The following GSE1 variants were observed in gnomAD, a reference collection of about 807,000 sequenced individuals.
GSE1 encodes Gse1 coiled-coil protein.
In GSE1, 32 loss-of-function variants were observed where a neutral mutation model predicts 112.6. The ratio of observed to expected loss-of-function variants is 0.28; its 90% CI spans 0.21 to 0.38. The LOEUF (loss-of-function observed/expected upper bound fraction) is 0.38, where lower values mean the gene tolerates loss of function less well. Among genes scored for constraint, GSE1 ranks in the 10% least tolerant of loss-of-function variants. GSE1 has a pLI of 1.00. For synonymous variants in GSE1, 1,115 were observed against 735.6 expected (o/e 1.52, Z -8.35); for missense variants, 2,348 against 1,699.2 (o/e 1.38, Z -6.71).
At chr16:85,478,291 C>T (rs1445468487) in intron 2 of GSE1, among the ~76,000 whole-genome samples, 1 of 152,072 alleles carries the variant, frequency 6.6e-6, no homozygotes, top group African/African-American at 2.4e-5. Flanking sequence ...CCTTGGGAGG[C>T]CGAGGCGGGC....
At chr16:85,567,315 T>C (rs1028555281) in intron 1 of GSE1, among the ~76,000 whole-genome samples, 2 of 152,250 alleles carry the variant, frequency 1.3e-5, no homozygotes, top group Admixed American at 1.3e-4. Flanking sequence ...CCAGCTGCTG[T>C]GCGTTGGAAA....
intron 1 of GSE1, among the ~76,000 whole-genome samples, chr16:85,620,987 G>C (rs1401910270): frequency 1.0e-5 from 1 of 99,674 alleles, no homozygotes; most frequent in Admixed American, 1.0e-4. Context: ...GTCTCGGCCC[G>C]GGGTCTCTGC....
chr16:85,173,747 A>G (rs1464207970), intron 1 of GSE1, among the ~76,000 whole-genome samples: 2 of 152,232 alleles, frequency 1.3e-5, no homozygotes, highest in African/African-American at 4.8e-5. Flanking sequence ...TAAGAACGCC[A>G]GGAAACAAGA....
intron 2 of GSE1, among the ~76,000 whole-genome samples, chr16:85,508,171 T>A (rs570559665): frequency 6.6e-6 from 1 of 152,134 alleles, no homozygotes; most frequent in African/African-American, 2.4e-5. Context: ...GTAGCTGGGA[T>A]TACAGGCATG....
At chr16:85,467,683 C>A (rs1351903089) in intron 2 of GSE1, among the ~76,000 whole-genome samples, 1 of 152,150 alleles carries the variant, frequency 6.6e-6, no homozygotes, top group East Asian at 1.9e-4. Context: ...CTGACCTAGC[C>A]AAAGGGATCA....
intron 2 of GSE1, among the ~76,000 whole-genome samples, chr16:85,430,921 G>C (rs963819059): frequency 1.3e-5 from 2 of 152,218 alleles, no homozygotes; most frequent in African/African-American, 4.8e-5. Flanking sequence ...TTCCCACCCA[G>C]CTCCCAGGAG....
chr16:85,239,012 C>T (rs892688227), intron 1 of GSE1, among the ~76,000 whole-genome samples: 1 of 152,148 alleles, frequency 6.6e-6, no homozygotes, highest in Non-Finnish European at 1.5e-5. Context: ...ACTGCAACCT[C>T]TGCCTCCCGG....
At chr16:85,666,606 C>G (rs764044606) in intron 13 of GSE1, 7 of 518,814 alleles carry the variant, frequency 1.3e-5, no homozygotes, top group South Asian at 1.3e-4. Flanking sequence ...ACGCATCGAT[C>G]GGTAAGAGGT....
chr16:85,579,249 C>G (rs2046352648), intron 1 of GSE1, among the ~76,000 whole-genome samples: 1 of 152,090 alleles, frequency 6.6e-6, no homozygotes, highest in Admixed American at 6.5e-5. Flanking sequence ...TCAGAGGGCT[C>G]TACCCTTGGG....
At chr16:85,628,046 G>A (rs1253504352) in intron 1 of GSE1, among the ~76,000 whole-genome samples, 1 of 152,200 alleles carries the variant, frequency 6.6e-6, no homozygotes, top group Admixed American at 6.5e-5. Context: ...CAGGAGGCAC[G>A]TGGGCCCTGG....
intron 1 of GSE1, among the ~76,000 whole-genome samples, chr16:85,622,121 T>C (rs2048778906): frequency 1.3e-5 from 2 of 152,162 alleles, no homozygotes; most frequent in South Asian, 4.1e-4. Flanking sequence ...GACAGGATGA[T>C]TGTGGCCGGA....
intron 2 of GSE1, among the ~76,000 whole-genome samples, chr16:85,415,682 C>T (rs1199637644): frequency 6.6e-6 from 1 of 152,258 alleles, no homozygotes; most frequent in Non-Finnish European, 1.5e-5. Flanking sequence ...GGCCCCACAG[C>T]AGAGCTGCGA....
chr16:85,502,378 A>G (rs2051398815), intron 2 of GSE1, among the ~76,000 whole-genome samples: 1 of 152,172 alleles, frequency 6.6e-6, no homozygotes, highest in African/African-American at 2.4e-5. Context: ...CCGTCAGCTC[A>G]TCTGCTCAGA....
chr16:85,512,977 C>T (rs2051798421), intron 2 of GSE1, among the ~76,000 whole-genome samples: 1 of 152,086 alleles, frequency 6.6e-6, no homozygotes, highest in Admixed American at 6.5e-5. Flanking sequence ...CCCTAAACCC[C>T]AGCTGCCATG....
chr16:85,233,510 G>T (rs1428956785), intron 1 of GSE1, among the ~76,000 whole-genome samples: 1 of 152,208 alleles, frequency 6.6e-6, no homozygotes, highest in Non-Finnish European at 1.5e-5. Context: ...ACATGTGCCT[G>T]TGTGTTCATG....
At chr16:85,472,414 G>A (rs559602218) in intron 2 of GSE1, among the ~76,000 whole-genome samples, 17 of 152,216 alleles carry the variant, frequency 1.1e-4, no homozygotes, top group East Asian at 7.7e-4. Flanking sequence ...TTCTCCTCCC[G>A]CGGCCTTCTT....
At chr16:85,476,846 C>G (rs1049684147) in intron 2 of GSE1, among the ~76,000 whole-genome samples, 1 of 150,144 alleles carries the variant, frequency 6.7e-6, no homozygotes, top group Non-Finnish European at 1.5e-5. Context: ...CTCCTGGGCT[C>G]AAGTGATCCT....
rs762143141 is a variant in GSE1 at position 85,672,512 on chromosome 16, G to T, written c.3627G>T (p.Arg1209Ser). 3.7e-6 allele frequency: 6 copies of T among 1,611,264 alleles called. No homozygotes were observed. Among genetic ancestry groups the T allele is most frequent in the Non-Finnish European group, 5.1e-6 (6 of 1,177,682 alleles). The change falls in exon 16 of 16, where the codon AGG (arginine) becomes AGT (serine). Residue 1209 changes from arginine to serine, a missense_variant. By Grantham distance (110) the Arg-to-Ser change is moderately radical. Coordinates refer to ENST00000253458, the MANE Select transcript of GSE1 (RefSeq NM_014615.5). Reference protein sequence around the residue: ...CLALPAMHWPRGYLKGYPR With the variant: ...CLALPAMHWPSGYLKGYPR ...CCTTGCCTGCAATGCACTGGCCTAG[G>T]GGCTACCTGAAGGGATATCCCAGGT...
intron 2 of GSE1, among the ~76,000 whole-genome samples, chr16:85,498,414 C>G (rs1392856790): frequency 6.6e-6 from 1 of 152,018 alleles, no homozygotes; most frequent in African/African-American, 2.4e-5. Flanking sequence ...TACATCCAGA[C>G]ACACAGACAC....
Sources: gnomAD v4.1 joint callset for allele counts (sites outside exome capture counted in the v4.1 genomes callset) on GRCh38, gnomAD v4.1.1 for gene constraint, MANE v1.5 for transcripts, NCBI Gene and HGNC (gene_info 2026-07-23, HGNC 2026-07-21) for gene names.